TMEM260: variants seen among roughly 807,000 people sequenced by gnomAD.
The protein encoded by TMEM260 is transmembrane protein 260.
TMEM260 carries 82 observed loss-of-function variants against 88.9 expected under a neutral mutation model. The observed-to-expected ratio is 0.92, with a 90% CI of 0.77 to 1.11. TMEM260 has a LOEUF of 1.11. Ranked by LOEUF, TMEM260 falls within the 50% of genes least tolerant of loss-of-function variation. TMEM260 has a pLI of 0.00. For missense variants in TMEM260, 902 were observed against 853.4 expected (o/e 1.06, Z -0.71); for synonymous variants, 314 against 309.3 (o/e 1.02, Z -0.16).
chr14:56,584,906 A>G, intron 1 of TMEM260, 95 bp from the exon 2 acceptor site: 1 of 958,006 alleles, frequency 1.0e-6, no homozygotes, highest in Middle Eastern at 2.2e-4. Flanking sequence ...AGTCAAATTA[A>G]TGCAAAACCC....
At chr14:56,659,264 T>TTA in the TMEM260 span, among the ~76,000 whole-genome samples, 1 of 148,212 alleles carries the variant, frequency 6.7e-6, no homozygotes. Flanking sequence ...GGTTTTTGTT[T>TTA]TTTTTTTTTT....
intron 3 of TMEM260, among the ~76,000 whole-genome samples, chr14:56,597,962 A>C (rs904174465): frequency 1.3e-5 from 2 of 152,270 alleles, no homozygotes; most frequent in African/African-American, 4.8e-5. Flanking sequence ...AATTTTGTAC[A>C]TGTTGACATT....
chr14:56,647,196 AAGTC>A (rs1468023826), intron 15 of TMEM260, 43 bp from the exon 16 acceptor site: 2 of 1,535,302 alleles, frequency 1.3e-6, no homozygotes. Context: ...GAAAAAAAAA[AAGTC>A]AAAGAATAAC....
Position 56,634,885 on chromosome 14 carries a change from TCTTG to T in TMEM260, c.1725-13_1725-10del, listed in dbSNP as rs750448997. On this transcript the variant is annotated splice_polypyrimidine_tract_variant and intron_variant, in intron 13 of 15. Coordinates refer to ENST00000261556, the MANE Select transcript of TMEM260 (RefSeq NM_017799.4). ...GGGTGACAGAAAGATATTACTGTTT[TCTTG>T]TAACTACAGGTTTGATCCATCTTCT... is the stretch of plus-strand genomic sequence containing the variant. 1 of 1,609,828 alleles carries T rather than the reference TCTTG, an allele frequency of 6.2e-7. No individual in the cohort carries two copies. The highest frequency in any genetic ancestry group is 1.7e-5 in the Admixed American group (1 of 59,074).
intron 14 of TMEM260, 63 bp downstream of exon 14, chr14:56,635,015 G>A (rs1307316920): frequency 3.4e-6 from 5 of 1,461,272 alleles, no homozygotes; most frequent in Middle Eastern, 1.7e-4. Context: ...GTAGCTTATG[G>A]CACTTTTAAT....
chr14:56,633,731 A>G (rs17091851), intron 13 of TMEM260, among the ~76,000 whole-genome samples: 24 of 152,000 alleles, frequency 1.6e-4, no homozygotes, highest in Non-Finnish European at 3.5e-4. Context: ...ATGTTTCCTA[A>G]ATAGAAAATG....
rs544519158 is a variant in TMEM260 at position 56,600,384 on chromosome 14, C to G, written c.345-3431C>G. On this transcript the variant is annotated intron_variant, in intron 3 of 15. Transcript: ENST00000261556. ...AATAAAGAGGGAAGACAGTGTGTTTCAGTCAGGGTTCTTGGTTGCAAGCAG... is the reference window on the plus strand; with the variant it reads ...AATAAAGAGGGAAGACAGTGTGTTTGAGTCAGGGTTCTTGGTTGCAAGCAG... 8.9e-4 allele frequency among the ~76,000 whole-genome samples: 135 copies of G among 152,250 alleles called. No individual in the cohort carries two copies. The South Asian group carries it at 0.011, about 12-fold the overall frequency.
intron 14 of TMEM260, among the ~76,000 whole-genome samples, chr14:56,635,593 T>C (rs1399869872): frequency 6.6e-6 from 1 of 152,220 alleles, no homozygotes; most frequent in Non-Finnish European, 1.5e-5. Flanking sequence ...TTTTGGTTCC[T>C]GTCATTGTTT....
rs1472406686 is a variant in TMEM260, at chr14:56,585,748, A to C, written c.193-13A>C. On this transcript the variant is annotated splice_polypyrimidine_tract_variant and intron_variant, in intron 2 of 15. Transcript: ENST00000261556. ...AGATGAAAACCTTCTAACTGTTGCT[A>C]ATTTTTCCGTAGGTTGCCCATCCTC... is the stretch of plus-strand genomic sequence containing the variant. 2 of 1,609,794 alleles carry C rather than the reference A, an allele frequency of 1.2e-6. No individual in the cohort carries two copies. Among genetic ancestry groups the C allele is most frequent in the East Asian group, 2.2e-5 (1 of 44,820 alleles).
At chr14:56,624,977 C>A (rs938593846) in intron 11 of TMEM260, among the ~76,000 whole-genome samples, 1 of 152,150 alleles carries the variant, frequency 6.6e-6, no homozygotes, top group Non-Finnish European at 1.5e-5. Flanking sequence ...TTAGATCTCT[C>A]ACATGTGCAG....
Position 56,636,510 on chromosome 14 carries a change from T to G in TMEM260, c.1781T>G (p.Met594Arg). The G allele has an allele frequency of 6.2e-7, 1 of 1,614,004 alleles. No homozygotes were observed. The highest frequency in any genetic ancestry group is 8.5e-7 in the Non-Finnish European group (1 of 1,179,932). Residue 594 changes from methionine to arginine, a missense_variant and splice_region_variant, in exon 15 of 16, where the codon ATG (methionine) becomes AGG (arginine). Coordinates refer to ENST00000261556, the MANE Select transcript of TMEM260 (RefSeq NM_017799.4). The part of the protein sequence containing the change: ...VANEEMWQAR[M>R]KTPFFIFNLA... ...AAGGTTCCTATCCCCACCCCCAGGA[T>G]GAAAACACCGTTCTTCATCTTTAAC... is the stretch of plus-strand genomic sequence containing the variant.
chr14:56,630,916 C>G (rs1013875616), intron 12 of TMEM260, among the ~76,000 whole-genome samples: 6 of 152,082 alleles, frequency 3.9e-5, no homozygotes, highest in African/African-American at 1.4e-4. Context: ...GTTCTGTTTC[C>G]AAAGCATTTG....
At chr14:56,619,794 C>T (rs1425410408) in intron 10 of TMEM260, among the ~76,000 whole-genome samples, 3 of 152,004 alleles carry the variant, frequency 2.0e-5, no homozygotes, top group Admixed American at 1.3e-4. Context: ...TGGGTATATA[C>T]CTAAAGGAAT....
rs4901701 is a variant in TMEM260, at chr14:56,611,027, C to T, written c.817-1218C>T. Among the ~76,000 whole-genome samples, 1,411 of 144,086 alleles carry T rather than the reference C, an allele frequency of 9.8e-3. 46 individuals are homozygous for T. The East Asian group carries it at 0.1, about 10-fold the overall frequency. The allele number at this position is 144,086 out of a possible 152,430, so 94.5% of individuals were successfully genotyped here. ...TATCACCCAGGCTGGAGTGCAGTGG[C>T]GTGATCTCGGCTCACTGCAACCTCC... On this transcript the variant is annotated intron_variant, in intron 6 of 15. Transcript: ENST00000261556.
downstream of TMEM260, among the ~76,000 whole-genome samples, chr14:56,653,761 C>T (rs946635444): frequency 2.8e-4 from 12 of 42,334 alleles, no homozygotes; most frequent in African/African-American, 1.0e-3. Flanking sequence ...AAAAACAGGA[C>T]ATCAAAAGGG....
At chr14:56,593,566 G>A (rs1459329225) in intron 3 of TMEM260, among the ~76,000 whole-genome samples, 1 of 149,568 alleles carries the variant, frequency 6.7e-6, no homozygotes, top group East Asian at 2.0e-4. Flanking sequence ...TTGATATTTT[G>A]AATAATCTAT....
At chr14:56,593,515 T>C (rs763997212) in intron 3 of TMEM260, among the ~76,000 whole-genome samples, 1 of 151,760 alleles carries the variant, frequency 6.6e-6, no homozygotes, top group Non-Finnish European at 1.5e-5. Flanking sequence ...AAGTATAAAA[T>C]TATTTATATA....
chr14:56,646,169 T>TTAAC (rs1313720728), intron 15 of TMEM260, among the ~76,000 whole-genome samples: 1 of 152,228 alleles, frequency 6.6e-6, no homozygotes, highest in Admixed American at 6.6e-5. Context: ...CTGAGGGTTA[T>TTAAC]TAACTATTGA....
chr14:56,634,587 A>G (rs1305280947), intron 13 of TMEM260, among the ~76,000 whole-genome samples: 1 of 152,184 alleles, frequency 6.6e-6, no homozygotes, highest in African/African-American at 2.4e-5. Flanking sequence ...TCACGCCTAT[A>G]ATCCCAGTAT....
Sources: gnomAD v4.1 joint callset for allele counts (sites outside exome capture counted in the v4.1 genomes callset) on GRCh38, gnomAD v4.1.1 for gene constraint, MANE v1.5 for transcripts, NCBI Gene and HGNC (gene_info 2026-07-23, HGNC 2026-07-21) for gene names.